The following TLN2 variants were observed in gnomAD, a reference collection of about 807,000 sequenced individuals.
TLN2 encodes the protein talin-2.
Under a neutral mutation model 294.7 loss-of-function variants are expected in TLN2, and 118 were observed. The observed-to-expected ratio is 0.40, with a 90% CI of 0.34 to 0.47. TLN2 has a LOEUF of 0.47. Among genes scored for constraint, TLN2 ranks in the 20% least tolerant of loss-of-function variants. TLN2 has a pLI of 0.84. For missense variants in TLN2, 3,083 were observed against 3,282.2 expected (o/e 0.94, Z 1.48); for synonymous variants, 1,431 against 1,304.5 (o/e 1.10, Z -2.09).
At chr15:62,596,001 C>A (rs537603090) in intron 2 of TLN2, among the ~76,000 whole-genome samples, 1 of 152,212 alleles carries the variant, frequency 6.6e-6, no homozygotes, top group African/African-American at 2.4e-5. Flanking sequence ...CTTGGCCAGG[C>A]GCGGTGGCTC....
At chr15:62,583,408 T>G (rs1447816433) in intron 1 of TLN2, among the ~76,000 whole-genome samples, 1 of 152,240 alleles carries the variant, frequency 6.6e-6, no homozygotes, top group Non-Finnish European at 1.5e-5. Context: ...TGTAATAATG[T>G]ACTGAATATC....
At chr15:62,503,074 C>T (rs1485002496) in intron 1 of TLN2, among the ~76,000 whole-genome samples, 2 of 151,456 alleles carry the variant, frequency 1.3e-5, no homozygotes, top group African/African-American at 4.9e-5. Flanking sequence ...AGTCATAGTG[C>T]CTATGTTTGT....
intron 1 of TLN2, among the ~76,000 whole-genome samples, chr15:62,539,854 G>A (rs1221935925): frequency 1.3e-5 from 2 of 149,050 alleles, no homozygotes; most frequent in Non-Finnish European, 1.5e-5. Context: ...TGTGCCAGAA[G>A]ACCATTAACT....
At chr15:62,717,499 C>A (rs968048689) in intron 23 of TLN2, 77 bp from the exon 24 acceptor site, 3 of 1,016,242 alleles carry the variant, frequency 3.0e-6, no homozygotes, top group African/African-American at 3.2e-5. Flanking sequence ...TGTCCTGACT[C>A]TGTGGTGGAA....
Position 62,440,452 on chromosome 15 carries a change from C to T in TLN2, c.-238+49767C>T, listed in dbSNP as rs1414698396. On this transcript the variant is annotated intron_variant, in intron 1 of 58. Transcript: ENST00000636159. Reference sequence around the variant, plus strand: ...ACTGTGAACTTGGCAAGAGCACGGTCCTGGCTGCAGATCGGTAAATACAAC... The same window carrying T: ...ACTGTGAACTTGGCAAGAGCACGGTTCTGGCTGCAGATCGGTAAATACAAC... Among the ~76,000 whole-genome samples, 4 of 152,164 alleles carry T rather than the reference C, an allele frequency of 2.6e-5. No homozygotes were observed. In the East Asian group the frequency reaches 5.8e-4, roughly 22 times the overall value.
In TLN2 at chr15:62,844,603, T is replaced by C. The variant is rs1340577498; in HGVS notation, c.*3993T>C. On this transcript the variant is annotated 3_prime_UTR_variant, in exon 59 of 59. Transcript: ENST00000636159. ...ACCACATAAGTTATTTTTTTTTATT[T>C]GCCAGAAATAAACCTTTAAAGGAAC... 6.6e-6 allele frequency: 1 copy of C among 152,150 alleles called. No homozygotes were observed. Among genetic ancestry groups the C allele is most frequent in the African/African-American group, 2.4e-5 (1 of 41,438 alleles). The allele number at this position is 152,150 out of a possible 1,614,324, so 9.4% of individuals were successfully genotyped here. A position where few individuals can be genotyped will look rare whatever the true frequency, so the allele number is the denominator to read the frequency against.
intron 1 of TLN2, among the ~76,000 whole-genome samples, chr15:62,589,008 C>A (rs761168737): frequency 6.6e-5 from 10 of 151,976 alleles, no homozygotes; most frequent in Non-Finnish European, 1.3e-4. Flanking sequence ...GTCATACCCA[C>A]CCAGATTTGA....
At chr15:62,667,387 C>G (rs1225945979) in intron 9 of TLN2, among the ~76,000 whole-genome samples, 1 of 152,168 alleles carries the variant, frequency 6.6e-6, no homozygotes. Flanking sequence ...TTCAACAACA[C>G]AGTTGGAGTC....
At chr15:62,768,090 T>C (rs72757720) in intron 41 of TLN2, among the ~76,000 whole-genome samples, 7,147 of 152,220 alleles carry the variant, frequency 0.047, 223 homozygotes, top group Middle Eastern at 0.075. Flanking sequence ...ACACCCACAT[T>C]TTCCCCAAGG....
Position 62,675,415 on chromosome 15 carries a change from C to A in TLN2, c.957+94C>A, listed in dbSNP as rs1349383438. 8 of 1,271,346 alleles carry A rather than the reference C, an allele frequency of 6.3e-6. No individual in the cohort carries two copies. In the Admixed American group the frequency reaches 1.2e-4, roughly 19 times the overall value. The allele number at this position is 1,271,346 out of a possible 1,614,324, so 78.8% of individuals were successfully genotyped here. A position where few individuals can be genotyped will look rare whatever the true frequency, so the allele number is the denominator to read the frequency against. On this transcript the variant is annotated intron_variant, in intron 11 of 58. Coordinates refer to ENST00000636159, the MANE Select transcript of TLN2 (RefSeq NM_015059.3). ...TGTTAAGCCTGGTTTGTCCTGCTCA[C>A]CCCCCTAGCATTTGCGGGTGGAACA...
intron 52 of TLN2, among the ~76,000 whole-genome samples, chr15:62,813,494 GA>G (rs2066852311): frequency 6.6e-6 from 1 of 152,084 alleles, no homozygotes; most frequent in South Asian, 2.1e-4. Context: ...TTGCGATAAG[GA>G]TTTTTCCCCC....
chr15:62,506,329 G>T (rs2039621446), intron 1 of TLN2, among the ~76,000 whole-genome samples: 1 of 152,132 alleles, frequency 6.6e-6, no homozygotes, highest in Non-Finnish European at 1.5e-5. Context: ...ACCTTTTTTG[G>T]GTGTGATGAG....
chr15:62,652,396 C>T (rs2052691695), intron 6 of TLN2, among the ~76,000 whole-genome samples: 1 of 152,176 alleles, frequency 6.6e-6, no homozygotes, highest in Non-Finnish European at 1.5e-5. Flanking sequence ...ATGTGTAATT[C>T]AGCCTTCTGC....
chr15:62,511,976 G>A (rs532750850), intron 1 of TLN2, among the ~76,000 whole-genome samples: 7 of 152,022 alleles, frequency 4.6e-5, no homozygotes, highest in Admixed American at 3.9e-4. Context: ...GCCGTGCCCT[G>A]GTGTCTAGTC....
At chr15:62,484,730 G>A (rs760678621) in intron 1 of TLN2, among the ~76,000 whole-genome samples, 54 of 152,066 alleles carry the variant, frequency 3.6e-4, no homozygotes, top group Non-Finnish European at 6.3e-4. Context: ...TGGCTGGACC[G>A]AGGTTTTTCT....
chr15:62,456,315 A>G (rs1250953624), intron 1 of TLN2, among the ~76,000 whole-genome samples: 1 of 152,148 alleles, frequency 6.6e-6, no homozygotes, highest in African/African-American at 2.4e-5. Context: ...AAAGGTGAAA[A>G]GCGTTTCATC....
intron 32 of TLN2, among the ~76,000 whole-genome samples, chr15:62,745,519 T>A (rs2061563656): frequency 6.6e-6 from 1 of 152,208 alleles, no homozygotes; most frequent in Admixed American, 6.5e-5. Flanking sequence ...TATATGTCGT[T>A]CTATCATTTT....
At chr15:62,486,457 T>TG (rs990501872) in intron 1 of TLN2, among the ~76,000 whole-genome samples, 8 of 121,820 alleles carry the variant, frequency 6.6e-5, no homozygotes, top group East Asian at 4.4e-4. Context: ...CCTTTGTTTT[T>TG]TTTTTTTTTT....
intron 50 of TLN2, among the ~76,000 whole-genome samples, chr15:62,802,399 CAT>C (rs1255883688): frequency 7.3e-6 from 1 of 136,786 alleles, no homozygotes; most frequent in Non-Finnish European, 1.6e-5. Context: ...AATGGACACA[CAT>C]ATACAATGGT....
Sources: allele counts gnomAD v4.1 joint callset (sites outside exome capture counted in the v4.1 genomes callset), GRCh38; gene constraint gnomAD v4.1.1; transcripts MANE v1.5; gene names NCBI Gene and HGNC (gene_info 2026-07-23, HGNC 2026-07-21).